FOXJ3: variants seen among roughly 807,000 people sequenced by gnomAD.
FOXJ3 encodes forkhead box protein J3.
In FOXJ3, 22 loss-of-function variants were observed where a neutral mutation model predicts 76.1. The observed-to-expected ratio is 0.29, with a 90% confidence interval of 0.21 to 0.41. The LOEUF is 0.41. Among genes scored for constraint, FOXJ3 ranks in the 10% least tolerant of loss-of-function variants. The pLI is 1.00. For missense variants in FOXJ3, 613 were observed against 762.1 expected (o/e 0.80, Z 2.30); for synonymous variants, 269 against 261.2 (o/e 1.03, Z -0.29).
At chr1:42,230,461 T>C (rs981353966) in intron 4 of FOXJ3, among the ~76,000 whole-genome samples, 10 of 152,224 alleles carry the variant, frequency 6.6e-5, no homozygotes, top group African/African-American at 1.9e-4. Context: ...AGAGATCCTG[T>C]GGATGGGACC....
intron 3 of FOXJ3, among the ~76,000 whole-genome samples, chr1:42,274,290 G>C (rs1368034866): frequency 6.6e-6 from 1 of 151,894 alleles, no homozygotes; most frequent in Non-Finnish European, 1.5e-5. Context: ...AGTTTTATTC[G>C]GTATATCCTC....
At chr1:42,185,655 A>G (rs1321650747) in intron 11 of FOXJ3, among the ~76,000 whole-genome samples, 1 of 152,136 alleles carries the variant, frequency 6.6e-6, no homozygotes, top group Non-Finnish European at 1.5e-5. Flanking sequence ...AAAGGTGTCT[A>G]GTGTGTGCTC....
intron 2 of FOXJ3, among the ~76,000 whole-genome samples, chr1:42,299,656 C>T (rs1654010148): frequency 6.6e-6 from 1 of 151,890 alleles, no homozygotes; most frequent in South Asian, 2.1e-4. Context: ...GCCCGTAATC[C>T]TAGCCCTTTA....
intron 4 of FOXJ3, among the ~76,000 whole-genome samples, chr1:42,253,107 C>T (rs879670831): frequency 0.018 from 2,667 of 145,294 alleles, no homozygotes; most frequent in South Asian, 0.044. Flanking sequence ...TAAGCAACTT[C>T]AGCAAAGTCT....
At position 42,318,596 on chromosome 1, in the gene FOXJ3, C is replaced by T. The variant is rs574738105; in HGVS notation, c.-17-7486G>A. 2.2e-4 allele frequency among the ~76,000 whole-genome samples: 34 copies of T among 152,252 alleles called. No homozygotes were observed. In the South Asian group the frequency reaches 5.0e-3, roughly 22 times the overall value. On this transcript the variant is annotated intron_variant, in intron 1 of 12. Coordinates refer to ENST00000361346, the MANE Select transcript of FOXJ3 (RefSeq NM_014947.5). ...CCGACGTCAGGTGATCCGCCCACCT[C>T]GGCCTCCCAAAGTGCTAGGATTACA...
At chr1:42,255,782 G>A (rs1570069942) in intron 4 of FOXJ3, among the ~76,000 whole-genome samples, 1 of 152,264 alleles carries the variant, frequency 6.6e-6, no homozygotes, top group African/African-American at 2.4e-5. Context: ...CAGCACTTTG[G>A]GAGGCCGAGG....
At chr1:42,269,318 A>G (rs1250504686) in intron 3 of FOXJ3, among the ~76,000 whole-genome samples, 1 of 152,184 alleles carries the variant, frequency 6.6e-6, no homozygotes, top group Non-Finnish European at 1.5e-5. Flanking sequence ...GAAAATACAA[A>G]TCAAGATGGT....
At chr1:42,322,530 A>G (rs1427590854) in intron 1 of FOXJ3, among the ~76,000 whole-genome samples, 1 of 152,118 alleles carries the variant, frequency 6.6e-6, no homozygotes, top group African/African-American at 2.4e-5. Flanking sequence ...GGGATTCTTC[A>G]TATTTTATAT....
At chr1:42,224,287 T>C (rs191246858) in intron 5 of FOXJ3, among the ~76,000 whole-genome samples, 3 of 152,258 alleles carry the variant, frequency 2.0e-5, no homozygotes, top group Admixed American at 2.0e-4. Context: ...AATGATAAGA[T>C]GAAATAAATT....
intron 5 of FOXJ3, among the ~76,000 whole-genome samples, chr1:42,212,186 G>A (rs760299756): frequency 3.9e-5 from 6 of 152,154 alleles, no homozygotes; most frequent in Non-Finnish European, 8.8e-5. Flanking sequence ...CCCAACAGGT[G>A]GAGGTTGAGC....
intron 1 of FOXJ3, among the ~76,000 whole-genome samples, chr1:42,316,563 T>C (rs1393979179): frequency 6.6e-6 from 1 of 152,072 alleles, no homozygotes. Flanking sequence ...CATGACCTTG[T>C]AGCTGAAGAC....
intron 3 of FOXJ3, among the ~76,000 whole-genome samples, chr1:42,267,087 AC>A (rs1200904355): frequency 6.6e-6 from 1 of 152,078 alleles, no homozygotes; most frequent in Non-Finnish European, 1.5e-5. Flanking sequence ...CCCAAAAGTA[AC>A]TACAGATACA....
chr1:42,230,366 T>C (rs1420690579), intron 4 of FOXJ3, among the ~76,000 whole-genome samples: 1 of 152,174 alleles, frequency 6.6e-6, no homozygotes. Flanking sequence ...ACAGGCTAAG[T>C]ATCCCTTATC....
intron 4 of FOXJ3, among the ~76,000 whole-genome samples, chr1:42,257,324 A>C (rs1367171893): frequency 6.6e-6 from 1 of 152,200 alleles, no homozygotes; most frequent in African/African-American, 2.4e-5. Context: ...GTGGAACCCA[A>C]CTGAAAACCA....
At chr1:42,308,891 A>G (rs1242662889) in intron 2 of FOXJ3, among the ~76,000 whole-genome samples, 1 of 151,610 alleles carries the variant, frequency 6.6e-6, no homozygotes, top group Non-Finnish European at 1.5e-5. Context: ...TTAAAATTTC[A>G]GTCAATTACA....
intron 3 of FOXJ3, among the ~76,000 whole-genome samples, chr1:42,274,451 T>G (rs1652103257): frequency 6.6e-6 from 1 of 152,220 alleles, no homozygotes; most frequent in African/African-American, 2.4e-5. Flanking sequence ...ATGCATCTTG[T>G]GTAATGGTTA....
chr1:42,199,316 C>T, intron 6 of FOXJ3, 86 bp from the exon 7 acceptor site: 1 of 1,185,818 alleles, frequency 8.4e-7, no homozygotes, highest in Non-Finnish European at 1.2e-6. Flanking sequence ...AGGCATATGG[C>T]AAGAAGAAAA....
chr1:42,241,519 C>T (rs1200483359), intron 4 of FOXJ3, among the ~76,000 whole-genome samples: 1 of 152,204 alleles, frequency 6.6e-6, no homozygotes, highest in African/African-American at 2.4e-5. Context: ...CCAGGGATTG[C>T]CCCACCCACC....
rs1304280651 is a variant in FOXJ3, at chr1:42,199,350, G to GAAAT, written c.631-121_631-120insATTT. ...AAAAATCTCAGTGGCCTTTCCCTAG[G>GAAAT]TGCTCACCCCAATTCCATGCCCCAT... On this transcript the variant is annotated intron_variant, in intron 6 of 12. Transcript: ENST00000361346. 26 of 744,176 alleles carry GAAAT rather than the reference G, an allele frequency of 3.5e-5. No homozygotes were observed. The Admixed American group carries it at 5.1e-4, about 15-fold the overall frequency. 46.1% of individuals were successfully genotyped at this position (744,176 alleles called of 1,614,324 possible). A position where few individuals can be genotyped will look rare whatever the true frequency, so the allele number is the denominator to read the frequency against.
Sources: allele counts gnomAD v4.1 joint callset (sites outside exome capture counted in the v4.1 genomes callset), GRCh38; gene constraint gnomAD v4.1.1; transcripts MANE v1.5; gene names NCBI Gene and HGNC (gene_info 2026-07-23, HGNC 2026-07-21).